The following ENTPD5 variants were observed in gnomAD, a reference collection of about 807,000 sequenced individuals.
ENTPD5 encodes the protein ectonucleoside triphosphate diphosphohydrolase 5 (inactive), also known as nucleoside diphosphate phosphatase ENTPD5.
A neutral mutation model predicts 60.2 loss-of-function variants in ENTPD5; 49 were observed. The observed-to-expected ratio is 0.81, with a 90% CI of 0.65 to 1.03. ENTPD5 has a LOEUF of 1.03. Among genes scored for constraint, ENTPD5 ranks in the 50% least tolerant of loss-of-function variants. The pLI is 0.00. For missense variants in ENTPD5, 480 were observed against 507.6 expected, an observed-to-expected ratio of 0.95 and a Z score of 0.52; for synonymous variants, 187 against 185.4, an observed-to-expected ratio of 1.01 and a Z score of -0.07.
At chr14:74,000,868 T>C (rs1392644310) in intron 3 of ENTPD5, among the ~76,000 whole-genome samples, 1 of 152,060 alleles carries the variant, frequency 6.6e-6, no homozygotes, top group Admixed American at 6.6e-5. Flanking sequence ...CAGATGTGTA[T>C]AAAGACCAGA....
intron 3 of ENTPD5, among the ~76,000 whole-genome samples, chr14:73,990,167 A>G (rs2058074911): frequency 6.6e-6 from 1 of 152,122 alleles, no homozygotes; most frequent in African/African-American, 2.4e-5. Context: ...CCTGGGTGAC[A>G]AAGCAAGACC....
intron 2 of ENTPD5, among the ~76,000 whole-genome samples, chr14:74,012,033 A>T (rs1555367736): frequency 6.6e-6 from 1 of 152,224 alleles, no homozygotes; most frequent in Non-Finnish European, 1.5e-5. Flanking sequence ...CAGGATTTGA[A>T]TTATGGATTT....
In ENTPD5 at chr14:73,982,080, T is replaced by C. The variant is rs187776344; in HGVS notation, c.441+938A>G. On this transcript the variant is annotated intron_variant, in intron 6 of 15. Coordinates refer to ENST00000334696, the MANE Select transcript of ENTPD5 (RefSeq NM_001249.5). Reference sequence around the variant, plus strand: ...ACACCTAAAATATATAATTTTTTGTTTGTTTGTTTTTTGAGATGCAGTCTC... The same window carrying C: ...ACACCTAAAATATATAATTTTTTGTCTGTTTGTTTTTTGAGATGCAGTCTC... Among the ~76,000 whole-genome samples, 6 of 152,230 alleles carry C rather than the reference T, an allele frequency of 3.9e-5. No homozygotes were observed. In the South Asian group the frequency reaches 6.2e-4, roughly 16 times the overall value.
At position 73,965,905 on chromosome 14, in the gene ENTPD5, T is replaced by C. The variant is rs1032579086; in HGVS notation, c.*1023A>G. 6.6e-6 allele frequency: 1 copy of C among 152,158 alleles called. No individual in the cohort carries two copies. The highest frequency in any genetic ancestry group is 6.6e-5 in the Admixed American group (1 of 15,260). The allele number at this position is 152,158 out of a possible 1,614,324, so 9.4% of individuals were successfully genotyped here. ...AAGTGGGGTTTTGTCAGGAACGGTA[T>C]TGGAAACTCTGAACTAGATAAATAA... On this transcript the variant is annotated 3_prime_UTR_variant, in exon 16 of 16. Coordinates refer to ENST00000334696, the MANE Select transcript of ENTPD5 (RefSeq NM_001249.5).
intron 14 of ENTPD5, among the ~76,000 whole-genome samples, chr14:73,970,842 TAG>T (rs2057192008): frequency 6.6e-6 from 1 of 152,088 alleles, no homozygotes; most frequent in African/African-American, 2.4e-5. Context: ...TTTTTTTTTT[TAG>T]AGACAAGGTC....
chr14:73,960,133 A>G, downstream of ENTPD5: 1 of 992,008 alleles, frequency 1.0e-6, no homozygotes, highest in African/African-American at 1.7e-5. Context: ...GGTTGCAGCT[A>G]CCTGAACCTT....
At chr14:73,971,020 C>T (rs192007812) in intron 14 of ENTPD5, among the ~76,000 whole-genome samples, 28 of 151,974 alleles carry the variant, frequency 1.8e-4, no homozygotes, top group African/African-American at 6.3e-4. Flanking sequence ...CTCAAGGAAG[C>T]CTCTGTGGCT....
chr14:73,992,545 G>A (rs749508893), intron 3 of ENTPD5, among the ~76,000 whole-genome samples: 31 of 151,876 alleles, frequency 2.0e-4, no homozygotes, highest in Non-Finnish European at 4.0e-4. Flanking sequence ...AAAATTAGGC[G>A]TGGTGGCGCA....
chr14:73,984,751 T>A (rs1430786141), intron 5 of ENTPD5, among the ~76,000 whole-genome samples: 1 of 151,340 alleles, frequency 6.6e-6, no homozygotes. Context: ...GACCCTGGTA[T>A]TTTTTTTTAA....
intron 14 of ENTPD5, among the ~76,000 whole-genome samples, chr14:73,970,651 A>G (rs1323637587): frequency 1.3e-5 from 2 of 152,126 alleles, no homozygotes; most frequent in African/African-American, 4.8e-5. Context: ...ATTCACATTT[A>G]CATGGGCTCT....
At chr14:74,012,989 T>C (rs186826876) in intron 2 of ENTPD5, among the ~76,000 whole-genome samples, 3 of 152,330 alleles carry the variant, frequency 2.0e-5, no homozygotes, top group East Asian at 3.9e-4. Flanking sequence ...CCTACCTTTT[T>C]AGAGTGTTTT....
At chr14:73,969,769 CT>C in intron 15 of ENTPD5, among the ~76,000 whole-genome samples, 1 of 152,028 alleles carries the variant, frequency 6.6e-6, no homozygotes, top group East Asian at 1.9e-4. Flanking sequence ...TTAATTTGGG[CT>C]GCTAGTCTTT....
intron 14 of ENTPD5, among the ~76,000 whole-genome samples, 180 bp from the exon 15 acceptor site, chr14:73,970,305 A>C (rs2057167771): frequency 6.6e-6 from 1 of 152,150 alleles, no homozygotes; most frequent in Non-Finnish European, 1.5e-5. Context: ...CAGCCTGGCC[A>C]ACGTGGTGAA....
chr14:73,969,975 G>C (rs757316316), intron 15 of ENTPD5, 35 bp downstream of exon 15: 130 of 1,411,380 alleles, frequency 9.2e-5, no homozygotes, highest in Non-Finnish European at 1.3e-4. Context: ...CCACAAAAGA[G>C]GGCTGTTATG....
At chr14:73,961,437 A>G, downstream of ENTPD5, 1 of 1,613,660 alleles carries the variant, frequency 6.2e-7, no homozygotes, top group Non-Finnish European at 8.5e-7. Flanking sequence ...TCACACCTGA[A>G]CTCTGCTTTA....
downstream of ENTPD5, among the ~76,000 whole-genome samples, chr14:73,962,399 TAA>T (rs2056785279): frequency 6.6e-6 from 1 of 152,100 alleles, no homozygotes; most frequent in Non-Finnish European, 1.5e-5. Context: ...AAAAAGGGCT[TAA>T]AAATAGTGAA....
At chr14:73,958,646 C>T (rs1168179773), downstream of ENTPD5, 2 of 1,299,350 alleles carry the variant, frequency 1.5e-6, no homozygotes. Context: ...CCATTCCTAA[C>T]CCTACATCAG....
chr14:73,983,623 CAAA>C (rs368194848), intron 5 of ENTPD5, among the ~76,000 whole-genome samples: 5 of 104,446 alleles, frequency 4.8e-5, no homozygotes, highest in Non-Finnish European at 8.3e-5. Context: ...CACTCCATCT[CAAA>C]AAAAAAAAAA....
At chr14:73,986,069 C>CAAAAAA (rs534512335) in intron 5 of ENTPD5, among the ~76,000 whole-genome samples, 9 of 79,220 alleles carry the variant, frequency 1.1e-4, no homozygotes, top group Admixed American at 1.5e-4. Context: ...GATACTCCGT[C>CAAAAAA]AAAAAAAAAA....
Sources: allele counts gnomAD v4.1 joint callset (sites outside exome capture counted in the v4.1 genomes callset), GRCh38; gene constraint gnomAD v4.1.1; transcripts MANE v1.5; gene names NCBI Gene and HGNC (gene_info 2026-07-23, HGNC 2026-07-21).